Variants in ZNF841 observed in about 807,000 individuals in gnomAD.
ZNF841 encodes the protein TCONS_00006091.
ZNF841 carries 11 observed loss-of-function variants against 13.0 expected under a neutral mutation model. That is an observed-to-expected ratio of 0.85 (90% CI 0.53 to 1.40). ZNF841 has a LOEUF of 1.40. Ranked by LOEUF, ZNF841 falls within the 40% of genes most tolerant of loss-of-function variation. The pLI is 0.00. For synonymous variants in ZNF841, 369 were observed against 381.6 expected, an observed-to-expected ratio of 0.97 and a Z score of 0.38; for missense variants, 1,068 against 1,139.5, an observed-to-expected ratio of 0.94 and a Z score of 0.90.
chr19:52,068,277 G>A (rs1003898648), intron 6 of ZNF841, among the ~76,000 whole-genome samples: 9 of 152,112 alleles, frequency 5.9e-5, no homozygotes, highest in African/African-American at 2.2e-4. Flanking sequence ...CCATACCACC[G>A]TGAATGCATC....
downstream of ZNF841, among the ~76,000 whole-genome samples, chr19:52,064,197 T>A (rs1345549627): frequency 6.7e-6 from 1 of 149,566 alleles, no homozygotes; most frequent in Non-Finnish European, 1.5e-5. Flanking sequence ...ACAAAAAAAA[T>A]TAGCCGGGCG....
chr19:52,065,073 G>T lies in ZNF841; in HGVS notation c.*34C>A. The T allele has an allele frequency of 6.9e-7, 1 of 1,440,080 alleles. No homozygotes were observed. The highest frequency in any genetic ancestry group is 9.2e-7 in the Non-Finnish European group (1 of 1,088,380). The allele number at this position is 1,440,080 out of a possible 1,614,324, so 89.2% of individuals were successfully genotyped here. On this transcript the variant is annotated 3_prime_UTR_variant, in exon 7 of 7. Coordinates refer to ENST00000594440, the MANE Select transcript of ZNF841 (RefSeq NM_001136499.2). ...TTCCACATGAGACTTCAAAGGGAAAGGACAAATATACAAGCTATATGAGTA... is the reference window on the plus strand; with the variant it reads ...TTCCACATGAGACTTCAAAGGGAAATGACAAATATACAAGCTATATGAGTA...
At chr19:52,094,851 C>G (rs1433929253) in intron 1 of ZNF841, among the ~76,000 whole-genome samples, 1 of 152,086 alleles carries the variant, frequency 6.6e-6, no homozygotes, top group Non-Finnish European at 1.5e-5. Flanking sequence ...CTCTGAAGGT[C>G]CCCTTTTTTT....
intron 6 of ZNF841, among the ~76,000 whole-genome samples, chr19:52,072,276 TCAGA>T (rs2087760684): frequency 2.0e-5 from 3 of 152,136 alleles, no homozygotes; most frequent in African/African-American, 7.2e-5. Flanking sequence ...AATAGGACAA[TCAGA>T]CAGAAGAAAA....
At chr19:52,090,723 A>G (rs2088466949) in intron 2 of ZNF841, among the ~76,000 whole-genome samples, 1 of 146,348 alleles carries the variant, frequency 6.8e-6, no homozygotes, top group Non-Finnish European at 1.5e-5. Flanking sequence ...GAAAGAAAGA[A>G]AAAAGAAAGG....
chr19:52,085,863 C>T (rs2088256733), intron 3 of ZNF841, among the ~76,000 whole-genome samples: 1 of 152,218 alleles, frequency 6.6e-6, no homozygotes, highest in Non-Finnish European at 1.5e-5. Flanking sequence ...AGAAACTATG[C>T]ATTTCCTCAC....
intron 2 of ZNF841, among the ~76,000 whole-genome samples, chr19:52,089,731 C>G (rs1323916224): frequency 1.3e-5 from 2 of 152,160 alleles, no homozygotes; most frequent in Admixed American, 6.5e-5. Context: ...AATTCCTTTC[C>G]AAGAGTTCCA....
intron 2 of ZNF841, among the ~76,000 whole-genome samples, chr19:52,090,706 A>AGAAAGAAG (rs1491574556): frequency 7.4e-6 from 1 of 134,276 alleles, no homozygotes; most frequent in Non-Finnish European, 1.6e-5. Flanking sequence ...AAAGAAAGAA[A>AGAAAGAAG]GAGAAAGAAA....
At chr19:52,080,557 T>C (rs1050475567) in intron 4 of ZNF841, among the ~76,000 whole-genome samples, 1 of 152,206 alleles carries the variant, frequency 6.6e-6, no homozygotes, top group Non-Finnish European at 1.5e-5. Flanking sequence ...GGTTTCTCTC[T>C]TCCTGAATAT....
chr19:52,079,431 T>TAAAAAAAAAAAAAAA (rs35306980), intron 4 of ZNF841, among the ~76,000 whole-genome samples: 2 of 83,198 alleles, frequency 2.4e-5, no homozygotes, highest in Non-Finnish European at 5.0e-5. Context: ...AGGAAATCTG[T>TAAAAAAAAAAAAAAA]AAAAAAAAAA....
chr19:52,061,102 T>C (rs973829177), downstream of ZNF841, among the ~76,000 whole-genome samples: 3 of 152,130 alleles, frequency 2.0e-5, no homozygotes, highest in Non-Finnish European at 4.4e-5. Flanking sequence ...GTTGGGGCCC[T>C]AAAGGGGGGA....
intron 2 of ZNF841, among the ~76,000 whole-genome samples, chr19:52,090,654 G>GGAAGGAAAGAAAGAAAGAAAGAAA (rs1183196348): frequency 2.8e-4 from 24 of 84,634 alleles, no homozygotes; most frequent in South Asian, 8.9e-4. Context: ...AAGGAAGGAA[G>GGAAGGAAAGAAAGAAAGAAAGAAA]GAAAGAAAGA....
At chr19:52,060,070 G>A (rs975186247), downstream of ZNF841, among the ~76,000 whole-genome samples, 1 of 152,154 alleles carries the variant, frequency 6.6e-6, no homozygotes, top group African/African-American at 2.4e-5. Flanking sequence ...GCCACTGCTT[G>A]GGCCTGTTCC....
chr19:52,081,757 AG>A lies in ZNF841; in HGVS notation c.15+3029del, dbSNP rs545495271. On this transcript the variant is annotated intron_variant, in intron 4 of 6. Transcript: ENST00000594440. ...TAGTCCCAGCTACTCAGGAGGCTGA[AG>A]TGGGAGGTTCATTTGAACCCGGGAG... Among the ~76,000 whole-genome samples the A allele has an allele frequency of 2.0e-3, 309 of 152,238 alleles. 1 individual carries two copies. The highest frequency in any genetic ancestry group is 7.0e-3 in the African/African-American group (291 of 41,552).
At chr19:52,075,327 C>T (rs1042930482) in intron 6 of ZNF841, among the ~76,000 whole-genome samples, 1 of 152,162 alleles carries the variant, frequency 6.6e-6, no homozygotes, top group Admixed American at 6.5e-5. Context: ...GTCCACAGAT[C>T]CCAAACTAAG....
chr19:52,065,893 A>G lies in ZNF841; in HGVS notation c.1989T>C (p.Thr663=). Residue 663 remains threonine (T), a synonymous_variant, in exon 7 of 7, where the codon ACT becomes ACC. Transcript: ENST00000594440. The part of the protein sequence containing the change: ...YKCNDCGKAY[T]QRSSLTKHLV... Reference sequence around the variant, plus strand: ...GATGTTTAGTGAGGCTTGAACGCTGAGTATAGGCTTTGCCACAATCATTAC... The same window carrying G: ...GATGTTTAGTGAGGCTTGAACGCTGGGTATAGGCTTTGCCACAATCATTAC... The G allele has an allele frequency of 6.2e-7, 1 of 1,613,910 alleles. No homozygotes were observed. Among genetic ancestry groups the G allele is most frequent in the Non-Finnish European group, 8.5e-7 (1 of 1,179,966 alleles).
At chr19:52,078,060 G>A (rs2087964301) in intron 4 of ZNF841, among the ~76,000 whole-genome samples, 1 of 152,186 alleles carries the variant, frequency 6.6e-6, no homozygotes, top group Non-Finnish European at 1.5e-5. Context: ...GGGAGGCCAA[G>A]ATGGGTGGAT....
chr19:52,065,559 G>A lies in ZNF841; in HGVS notation c.2323C>T (p.Arg775Cys), dbSNP rs1476193224. ...YKCNECGKVFRYRSGLARHWS... is the reference protein window; with the variant it reads ...YKCNECGKVFCYRSGLARHWS... The stretch of plus-strand genomic sequence containing the variant: ...TGACGTGCGAGGCCTGAGCGATAAC[G>A]GAAGACCTTGCCACATTCATTACAT... Residue 775 changes from arginine to cysteine, a missense_variant, in exon 7 of 7, where the codon CGT (arginine) becomes TGT (cysteine). By Grantham distance (180) the Arg-to-Cys change is radical. Coordinates refer to ENST00000594440, the MANE Select transcript of ZNF841 (RefSeq NM_001136499.2). 15 of 1,612,518 alleles carry A rather than the reference G, an allele frequency of 9.3e-6. No individual in the cohort carries two copies. Among genetic ancestry groups the A allele is most frequent in the East Asian group, 4.5e-5 (2 of 44,744 alleles).
At chr19:52,078,926 G>T (rs1475533711) in intron 4 of ZNF841, among the ~76,000 whole-genome samples, 4 of 152,078 alleles carry the variant, frequency 2.6e-5, no homozygotes, top group African/African-American at 9.7e-5. Context: ...TAAATTAACT[G>T]AAATAAGACG....
Sources: gnomAD v4.1 joint callset for allele counts (sites outside exome capture counted in the v4.1 genomes callset) on GRCh38, gnomAD v4.1.1 for gene constraint, MANE v1.5 for transcripts, NCBI Gene and HGNC (gene_info 2026-07-23, HGNC 2026-07-21) for gene names.